The following DMD variants were observed in gnomAD, a reference collection of about 807,000 sequenced individuals.
The protein encoded by DMD is dystrophin, also known as mutant dystrophin.
In DMD, 63 loss-of-function variants were observed where a neutral mutation model predicts 330.1. The ratio of observed to expected loss-of-function variants is 0.19; its 90% CI spans 0.16 to 0.24. DMD has a LOEUF of 0.24. Ranked by LOEUF, DMD falls within the 10% of genes least tolerant of loss-of-function variation. The probability of loss-of-function intolerance (pLI) is 1.00; values close to 1 mark genes in which losing one functional copy is unlikely to be tolerated. For missense variants in DMD, 3,344 were observed against 2,684.1 expected (o/e 1.25, Z -5.43); for synonymous variants, 1,223 against 959.8 (o/e 1.27, Z -5.07).
chrX:31,177,472 G>A (rs965813195), intron 71 of DMD, among the ~76,000 whole-genome samples: 1 of 111,331 alleles, frequency 9.0e-6, no homozygotes, highest in Non-Finnish European at 1.9e-5. Context: ...ACTTTAAAAC[G>A]AATTCTGCTG....
At position 31,831,863 on chromosome X, in the gene DMD, A is replaced by C. The variant is rs920597621; in HGVS notation, c.7200+4855T>G. 3.6e-5 allele frequency among the ~76,000 whole-genome samples: 4 copies of C among 112,476 alleles called. No homozygotes were observed. The Admixed American group carries it at 3.7e-4, about 11-fold the overall frequency. On this transcript the variant is annotated intron_variant, in intron 49 of 78. Coordinates refer to ENST00000357033, the MANE Select transcript of DMD (RefSeq NM_004006.3). The stretch of plus-strand genomic sequence containing the variant: ...GTGATCCGCCCACCTTGGCCTCCCA[A>C]AGTGCTGGTATTACAGGCGCGAGCC...
chrX:31,464,782 T>G (rs2066742207), intron 59 of DMD, among the ~76,000 whole-genome samples: 1 of 112,664 alleles, frequency 8.9e-6, no homozygotes, highest in Non-Finnish European at 1.9e-5. Context: ...AATAAGAGAC[T>G]TATTAGGAGA....
intron 51 of DMD, among the ~76,000 whole-genome samples, chrX:31,748,873 T>G (rs1236909460): frequency 9.0e-6 from 1 of 111,565 alleles, no homozygotes; most frequent in African/African-American, 3.3e-5. Context: ...TGGAATAAAA[T>G]GGCCCATATC....
At chrX:32,169,917 G>GA (rs779399259) in intron 44 of DMD, among the ~76,000 whole-genome samples, 2 of 110,290 alleles carry the variant, frequency 1.8e-5, no homozygotes, top group African/African-American at 6.6e-5. Context: ...TGACAATAAA[G>GA]AAAAAAAACT....
chrX:33,037,329 A>G (rs1469779253), intron 1 of DMD, among the ~76,000 whole-genome samples: 1 of 106,305 alleles, frequency 9.4e-6, no homozygotes, highest in Non-Finnish European at 1.9e-5. Flanking sequence ...CTGCAAACTC[A>G]AGGGAGAAAA....
intron 20 of DMD, among the ~76,000 whole-genome samples, chrX:32,491,064 T>C (rs1165776682): frequency 8.9e-6 from 1 of 112,714 alleles, no homozygotes; most frequent in African/African-American, 3.2e-5. Context: ...ATTAGCGCTG[T>C]GTAACTACGC....
At chrX:32,312,232 C>A (rs775577781) in intron 41 of DMD, among the ~76,000 whole-genome samples, 2 of 110,864 alleles carry the variant, frequency 1.8e-5, no homozygotes, top group African/African-American at 6.5e-5. Context: ...AGAAAAAAAT[C>A]TGGGTGGCCT....
chrX:32,955,642 G>C lies in DMD; in HGVS notation c.93+64497C>G, dbSNP rs899200996. 3.6e-5 allele frequency among the ~76,000 whole-genome samples: 4 copies of C among 111,660 alleles called. No homozygotes were observed. In the Admixed American group the frequency reaches 3.8e-4, roughly 11 times the overall value. On this transcript the variant is annotated intron_variant, in intron 2 of 78. Transcript: ENST00000357033. ...CTATGTCCTAAATGGTATTGCCCGG[G>C]TTGTCTTCCAGGGTTTTTATAGTTT...
chrX:31,543,708 G>GA (rs1373154291), intron 55 of DMD, among the ~76,000 whole-genome samples: 4 of 111,709 alleles, frequency 3.6e-5, no homozygotes, highest in South Asian at 3.7e-4. Context: ...TTTTTACGAG[G>GA]AAAAAAAGAC....
intron 1 of DMD, among the ~76,000 whole-genome samples, chrX:33,262,965 A>G (rs950898251): frequency 2.7e-5 from 3 of 110,828 alleles, no homozygotes; most frequent in Admixed American, 1.9e-4. Context: ...TTGATCAAAA[A>G]ACAAATGAGA....
At chrX:32,485,745 T>TC (rs1173750869) in intron 20 of DMD, among the ~76,000 whole-genome samples, 1 of 77,789 alleles carries the variant, frequency 1.3e-5, no homozygotes, top group Non-Finnish European at 2.5e-5. Context: ...TTTTTTTTTT[T>TC]TTTTTTTTTT....
rs1056407919 is a variant in DMD, at chrX:31,758,569, A to T, written c.7542+15391T>A. Among the ~76,000 whole-genome samples, 20 of 111,346 alleles carry T rather than the reference A, an allele frequency of 1.8e-4. 1 individual carries two copies. The highest frequency in any genetic ancestry group is 3.6e-4 in the Non-Finnish European group (19 of 53,084). ...CTCTCTTTTTAAATTTGTACCATCA[A>T]TTGGAAAGGGGCTTTGAGACACTAT... On this transcript the variant is annotated intron_variant, in intron 51 of 78. Coordinates refer to ENST00000357033, the MANE Select transcript of DMD (RefSeq NM_004006.3).
chrX:31,341,872 CGCGCGTGCGT>C (rs1190684985), intron 61 of DMD, among the ~76,000 whole-genome samples: 910 of 81,763 alleles, frequency 0.011, 13 homozygotes, highest in African/African-American at 0.042. Flanking sequence ...ATCTGGCGTG[CGCGCGTGCGT>C]GCGCGCGCGC....
intron 44 of DMD, among the ~76,000 whole-genome samples, chrX:32,073,158 C>T (rs2096314170): frequency 8.9e-6 from 1 of 111,926 alleles, no homozygotes; most frequent in African/African-American, 3.2e-5. Context: ...GGAAAAAAAG[C>T]AACACTCTTA....
chrX:32,965,253 G>T (rs2044436601), intron 2 of DMD, among the ~76,000 whole-genome samples: 3 of 111,156 alleles, frequency 2.7e-5, no homozygotes, highest in Non-Finnish European at 5.7e-5. Flanking sequence ...GCACTTTGAG[G>T]GGCCAAGGTG....
At chrX:32,790,265 TC>T (rs1290587327) in intron 7 of DMD, among the ~76,000 whole-genome samples, 1 of 111,928 alleles carries the variant, frequency 8.9e-6, no homozygotes, top group Non-Finnish European at 1.9e-5. Flanking sequence ...AATGAGGCAC[TC>T]TATCCAGCTG....
At chrX:31,170,973 T>C (rs1239429226) in intron 73 of DMD, among the ~76,000 whole-genome samples, 2 of 112,232 alleles carry the variant, frequency 1.8e-5, no homozygotes. Context: ...AGGCAGTCAA[T>C]GAATGACAGC....
At chrX:32,309,896 A>G (rs753897934) in intron 42 of DMD, among the ~76,000 whole-genome samples, 186 bp downstream of exon 42, 38 of 110,902 alleles carry the variant, frequency 3.4e-4, no homozygotes, top group Non-Finnish European at 3.6e-4. Context: ...TGTAAAATAC[A>G]TTTTCTAACT....
At chrX:33,086,984 G>T (rs2095017259) in intron 1 of DMD, among the ~76,000 whole-genome samples, 1 of 110,935 alleles carries the variant, frequency 9.0e-6, no homozygotes, top group Non-Finnish European at 1.9e-5. Flanking sequence ...AAATGCAGAG[G>T]AATTTAAATA....
Sources: gnomAD v4.1 joint callset for allele counts (sites outside exome capture counted in the v4.1 genomes callset) on GRCh38, gnomAD v4.1.1 for gene constraint, MANE v1.5 for transcripts, NCBI Gene and HGNC (gene_info 2026-07-23, HGNC 2026-07-21) for gene names.